Variants in DNM2 observed in about 807,000 individuals in gnomAD.
DNM2 encodes dynamin-2.
A neutral mutation model predicts 99.0 loss-of-function variants in DNM2; 15 were observed. That is an observed-to-expected ratio of 0.15 (90% CI 0.10 to 0.23). The LOEUF (loss-of-function observed/expected upper bound fraction) is 0.23. Ranked by LOEUF, DNM2 falls within the 10% of genes least tolerant of loss-of-function variation. The probability of loss-of-function intolerance (pLI) is 1.00; values close to 1 mark genes in which losing one functional copy is unlikely to be tolerated. For synonymous variants in DNM2, 525 were observed against 481.2 expected (o/e 1.09, Z -1.19); for missense variants, 742 against 1,189.4 (o/e 0.62, Z 5.53).
chr19:10,806,078 C>G, intron 13 of DNM2, 111 bp downstream of exon 13: 1 of 1,364,948 alleles, frequency 7.3e-7, no homozygotes, highest in Non-Finnish European at 1.0e-6. Flanking sequence ...ACCCCACAGC[C>G]TCAGTACCAG....
At chr19:10,787,077 TAATCCCAGC>T (rs1045538451) in intron 7 of DNM2, among the ~76,000 whole-genome samples, 76 of 152,178 alleles carry the variant, frequency 5.0e-4, no homozygotes, top group African/African-American at 1.7e-3. Context: ...TTCACGTCTG[TAATCCCAGC>T]ACTTTGGGAG....
chr19:10,724,716 G>A (rs1484895118), intron 1 of DNM2, among the ~76,000 whole-genome samples: 1 of 152,204 alleles, frequency 6.6e-6, no homozygotes, highest in African/African-American at 2.4e-5. Flanking sequence ...GGGAAGTAAA[G>A]CTGGTGGCGC....
rs1361038125 is a variant in DNM2, at chr19:10,812,853, A to G, written c.1671+476A>G. ...GGCTGGAGAGCAGCCACCATGTGCC[A>G]AAAGGCTTACATTGTACCTGGCCCC... On this transcript the variant is annotated intron_variant, in intron 15 of 20. Transcript: ENST00000389253. This position sits in a 1 kb window ranked among gnomAD's most constrained non-coding sequence, Gnocchi z 4.0. Among the ~76,000 whole-genome samples, 1 of 152,204 alleles carries G rather than the reference A, an allele frequency of 6.6e-6. No individual in the cohort carries two copies. Among genetic ancestry groups the G allele is most frequent in the East Asian group, 1.9e-4 (1 of 5,196 alleles).
chr19:10,777,339 T>C (rs553169591), intron 5 of DNM2, 123 bp downstream of exon 5: 11 of 910,144 alleles, frequency 1.2e-5, no homozygotes, highest in Admixed American at 2.1e-5. Flanking sequence ...CGTAACTCCT[T>C]CTTTCTTTTC....
chr19:10,749,035 A>T (rs2070099202), intron 1 of DNM2, among the ~76,000 whole-genome samples: 1 of 152,100 alleles, frequency 6.6e-6, no homozygotes, highest in Non-Finnish European at 1.5e-5. Flanking sequence ...GACTGTGCTG[A>T]GCATATGGTG....
rs1267131756 is a variant in DNM2, at chr19:10,792,918, T to TA, written c.993-802_993-801insA. On this transcript the variant is annotated intron_variant, in intron 7 of 20. Transcript: ENST00000389253. Reference sequence around the variant, plus strand: ...CCACCGTGTCCAGTATATATATATATTTTTTAATAAAATGTGGTCTCACTG... The same window carrying TA: ...CCACCGTGTCCAGTATATATATATATATTTTTAATAAAATGTGGTCTCACTG... Among the ~76,000 whole-genome samples the TA allele has an allele frequency of 9.2e-5, 14 of 152,154 alleles. No homozygotes were observed. The South Asian group carries it at 2.1e-3, about 23-fold the overall frequency.
At position 10,777,938 on chromosome 19, in the gene DNM2, T is replaced by G. The variant is rs552890917; in HGVS notation, c.688+722T>G. On this transcript the variant is annotated intron_variant, in intron 5 of 20. Transcript: ENST00000389253. ...ACATTCCCAAAAGTGTGGAAAAAAG[T>G]TCAAAGAATCCTCGTGGATGGCTTC... Among the ~76,000 whole-genome samples the G allele has an allele frequency of 2.6e-5, 4 of 151,980 alleles. No homozygotes were observed. The East Asian group carries it at 7.8e-4, about 30-fold the overall frequency.
intron 1 of DNM2, among the ~76,000 whole-genome samples, chr19:10,731,004 A>G (rs2069293853): frequency 6.6e-6 from 1 of 152,194 alleles, no homozygotes; most frequent in Non-Finnish European, 1.5e-5. Context: ...AAGGAGGAGC[A>G]GGCTACTTGG....
chr19:10,802,742 CAG>C (rs1011915107), intron 12 of DNM2: 1 of 344,268 alleles, frequency 2.9e-6, no homozygotes, highest in African/African-American at 2.1e-5. Context: ...CTCATGGGCT[CAG>C]GGCTCCGGAA....
At chr19:10,803,213 G>T (rs975317275) in intron 12 of DNM2, among the ~76,000 whole-genome samples, 4 of 152,164 alleles carry the variant, frequency 2.6e-5, no homozygotes, top group African/African-American at 9.7e-5. Context: ...GAGGGGTCAG[G>T]CAGGCTTCCT....
intron 1 of DNM2, among the ~76,000 whole-genome samples, chr19:10,720,297 C>T (rs1206825289): frequency 4.0e-5 from 6 of 151,434 alleles, no homozygotes; most frequent in Admixed American, 3.9e-4. Flanking sequence ...ACTGCAACCT[C>T]TGCCTCCCAG....
At chr19:10,719,535 T>C (rs528306263) in intron 1 of DNM2, among the ~76,000 whole-genome samples, 1 of 152,200 alleles carries the variant, frequency 6.6e-6, no homozygotes, top group South Asian at 2.1e-4. Flanking sequence ...TGGGGCTGTT[T>C]CCAGGATTCA....
intron 1 of DNM2, among the ~76,000 whole-genome samples, chr19:10,734,849 C>T (rs993582396): frequency 3.4e-5 from 5 of 149,198 alleles, no homozygotes; most frequent in African/African-American, 1.2e-4. Context: ...GTTGTCGGAT[C>T]TCCTTAAGCC....
At chr19:10,725,792 C>A (rs138121753) in intron 1 of DNM2, among the ~76,000 whole-genome samples, 3 of 152,050 alleles carry the variant, frequency 2.0e-5, no homozygotes, top group Non-Finnish European at 4.4e-5. Context: ...CTTGCTCTGT[C>A]CCCCAGACTG....
At chr19:10,742,244 A>G (rs79067211) in intron 1 of DNM2, among the ~76,000 whole-genome samples, 1 of 152,102 alleles carries the variant, frequency 6.6e-6, no homozygotes, top group African/African-American at 2.4e-5. Context: ...ATGTTGCATC[A>G]GAAGTGGATT....
chr19:10,747,465 C>T (rs753569747), intron 1 of DNM2, among the ~76,000 whole-genome samples: 5 of 152,302 alleles, frequency 3.3e-5, no homozygotes, highest in South Asian at 4.1e-4. Flanking sequence ...GGTGATGCCA[C>T]GGCTTGAGTG....
At chr19:10,766,366 G>A (rs1237115811) in intron 2 of DNM2, among the ~76,000 whole-genome samples, 1 of 152,128 alleles carries the variant, frequency 6.6e-6, no homozygotes, top group Non-Finnish European at 1.5e-5. Flanking sequence ...AGGGTCTCCA[G>A]GCCAGAGGTG....
Position 10,812,454 on chromosome 19 carries a change from C to T in DNM2, c.1671+77C>T, listed in dbSNP as rs2072583351. 2.4e-6 allele frequency: 3 copies of T among 1,245,192 alleles called. No individual in the cohort carries two copies. The highest frequency in any genetic ancestry group is 1.5e-5 in the African/African-American group (1 of 66,602). The allele number at this position is 1,245,192 out of a possible 1,614,324, so 77.1% of individuals were successfully genotyped here. A position where few individuals can be genotyped will look rare whatever the true frequency, so the allele number is the denominator to read the frequency against. On this transcript the variant is annotated intron_variant, in intron 15 of 20. Transcript: ENST00000389253. This position sits in a 1 kb window ranked among gnomAD's most constrained non-coding sequence, Gnocchi z 4.0. ...AGAGCGGGTGGGCGCTCCCTCTGGGCAGAACTCAGTCACTGCGCCACTCTG... is the reference window on the plus strand; with the variant it reads ...AGAGCGGGTGGGCGCTCCCTCTGGGTAGAACTCAGTCACTGCGCCACTCTG...
At chr19:10,748,862 C>T (rs568757137) in intron 1 of DNM2, among the ~76,000 whole-genome samples, 3 of 152,328 alleles carry the variant, frequency 2.0e-5, no homozygotes, top group African/African-American at 4.8e-5. Flanking sequence ...GGGTGGCCAG[C>T]GTTCCTTGTG....
Sources: allele counts gnomAD v4.1 joint callset (sites outside exome capture counted in the v4.1 genomes callset), GRCh38; gene constraint gnomAD v4.1.1; non-coding constraint Gnocchi (gnomAD v3.1); transcripts MANE v1.5; gene names NCBI Gene and HGNC (gene_info 2026-07-23, HGNC 2026-07-21).